The following PHTF2 variants were observed in gnomAD, a reference collection of about 807,000 sequenced individuals.
The protein encoded by PHTF2 is putative homeodomain transcription factor 2.
PHTF2 carries 60 observed loss-of-function variants against 101.2 expected under a neutral mutation model. That is an observed-to-expected ratio of 0.59 (90% confidence interval 0.48 to 0.73). The LOEUF (loss-of-function observed/expected upper bound fraction) is 0.73. Among genes scored for constraint, PHTF2 ranks in the 30% least tolerant of loss-of-function variants. The pLI is 0.00. For synonymous variants in PHTF2, 311 were observed against 307.3 expected (o/e 1.01, Z -0.13); for missense variants, 747 against 908.7 (o/e 0.82, Z 2.29).
chr7:77,901,267 C>T (rs1801365871), intron 6 of PHTF2, among the ~76,000 whole-genome samples: 1 of 152,222 alleles, frequency 6.6e-6, no homozygotes, highest in Admixed American at 6.5e-5. Context: ...ATCTATCTGT[C>T]TGTCTATCTT....
intron 1 of PHTF2, among the ~76,000 whole-genome samples, chr7:77,834,438 A>G (rs1795299824): frequency 6.6e-6 from 1 of 152,218 alleles, no homozygotes; most frequent in African/African-American, 2.4e-5. Context: ...TGTATCACAA[A>G]TTCCAGAAAC....
chr7:77,799,428 G>T (rs1792347645), intron 1 of PHTF2, among the ~76,000 whole-genome samples: 1 of 152,174 alleles, frequency 6.6e-6, no homozygotes, highest in African/African-American at 2.4e-5. Flanking sequence ...GGAGGAGCGG[G>T]CTCGGGAGGG....
At chr7:77,888,110 A>C (rs1485323182) in intron 3 of PHTF2, among the ~76,000 whole-genome samples, 1 of 152,112 alleles carries the variant, frequency 6.6e-6, no homozygotes, top group Non-Finnish European at 1.5e-5. Context: ...TATCCTTTCA[A>C]AATGTTAGGT....
intron 12 of PHTF2, among the ~76,000 whole-genome samples, chr7:77,933,711 G>GTT (rs372397795): frequency 0.015 from 1,581 of 108,264 alleles, 52 homozygotes; most frequent in African/African-American, 0.043. Context: ...GGGACCATGT[G>GTT]TTTTTTTTTT....
chr7:77,926,833 C>T (rs1804049489), intron 11 of PHTF2, among the ~76,000 whole-genome samples: 1 of 150,944 alleles, frequency 6.6e-6, no homozygotes, highest in African/African-American at 2.4e-5. Context: ...AAAATTTAGC[C>T]AGGCATGGTG....
chr7:77,823,126 A>G (rs1405226711), intron 1 of PHTF2, among the ~76,000 whole-genome samples: 2 of 151,574 alleles, frequency 1.3e-5, no homozygotes, highest in South Asian at 2.1e-4. Context: ...GGATGGTCTC[A>G]ATCTCCTGAC....
At chr7:77,932,529 G>A (rs1804661552) in intron 12 of PHTF2, among the ~76,000 whole-genome samples, 1 of 151,742 alleles carries the variant, frequency 6.6e-6, no homozygotes, top group Non-Finnish European at 1.5e-5. Flanking sequence ...AAGGCTTTAA[G>A]TTACCATTTG....
intron 3 of PHTF2, 65 bp from the exon 3 acceptor site, chr7:77,893,543 G>A: frequency 3.0e-6 from 2 of 659,334 alleles, no homozygotes; most frequent in Non-Finnish European, 5.4e-6. Context: ...TGTATTTCAA[G>A]CAGAGTTATA....
intron 1 of PHTF2, among the ~76,000 whole-genome samples, chr7:77,804,048 C>G (rs1357599900): frequency 3.3e-5 from 5 of 152,166 alleles, no homozygotes; most frequent in Admixed American, 6.5e-5. Flanking sequence ...TCTCAAATCT[C>G]TTGACTACTT....
At position 77,893,965 on chromosome 7, in the gene PHTF2, G is replaced by C; in HGVS notation, c.205-17G>C. The C allele has an allele frequency of 4.4e-6, 7 of 1,590,914 alleles. No homozygotes were observed. Among genetic ancestry groups the C allele is most frequent in the Non-Finnish European group, 6.0e-6 (7 of 1,159,540 alleles). ...TTTGCTTTTTCTCCCTTTTGATGCT[G>C]TCATTGCTCTGTACAGTTTATTAAA... On this transcript the variant is annotated splice_polypyrimidine_tract_variant and intron_variant, in intron 4 of 19. Coordinates refer to ENST00000416283, the Ensembl canonical transcript of PHTF2.
chr7:77,843,895 G>A (rs1796073882), intron 2 of PHTF2, among the ~76,000 whole-genome samples: 1 of 152,122 alleles, frequency 6.6e-6, no homozygotes. Flanking sequence ...TTGATTTTGT[G>A]ACTATCATTC....
chr7:77,842,702 A>T (rs890391020), intron 2 of PHTF2, among the ~76,000 whole-genome samples: 1 of 152,156 alleles, frequency 6.6e-6, no homozygotes, highest in Non-Finnish European at 1.5e-5. Flanking sequence ...ATAACTTTTG[A>T]TGGAATACTG....
chr7:77,875,919 A>C (rs1048786684), intron 3 of PHTF2, among the ~76,000 whole-genome samples: 20 of 152,304 alleles, frequency 1.3e-4, no homozygotes, highest in African/African-American at 4.6e-4. Context: ...AGTACTTTAT[A>C]TACATTTCAT....
intron 3 of PHTF2, among the ~76,000 whole-genome samples, chr7:77,885,720 C>T (rs1487386890): frequency 6.6e-6 from 1 of 152,216 alleles, no homozygotes; most frequent in Non-Finnish European, 1.5e-5. Context: ...GCTAGGATTA[C>T]AGATGTGAGC....
intron 2 of PHTF2, among the ~76,000 whole-genome samples, chr7:77,851,305 T>C (rs541998650): frequency 6.6e-6 from 1 of 152,290 alleles, no homozygotes; most frequent in South Asian, 2.1e-4. Flanking sequence ...TCTGTTCAGA[T>C]TTTGGATTTC....
intron 1 of PHTF2, among the ~76,000 whole-genome samples, chr7:77,813,070 G>GTATT (rs1420711598): frequency 2.0e-5 from 3 of 152,092 alleles, no homozygotes; most frequent in Non-Finnish European, 2.9e-5. Context: ...TAGATGCATG[G>GTATT]TATTTATTTA....
intron 3 of PHTF2, among the ~76,000 whole-genome samples, chr7:77,883,543 CAT>C (rs1459439534): frequency 6.6e-6 from 1 of 152,030 alleles, no homozygotes; most frequent in Non-Finnish European, 1.5e-5. Flanking sequence ...CAATGCAAAC[CAT>C]ATATTTTTAG....
chr7:77,943,823 GC>G (rs1805828847), intron 16 of PHTF2, among the ~76,000 whole-genome samples: 1 of 151,880 alleles, frequency 6.6e-6, no homozygotes, highest in African/African-American at 2.4e-5. Context: ...TTCGAGACCA[GC>G]CCGACCAACA....
chr7:77,827,938 C>CCAG (rs1303072684), intron 1 of PHTF2, among the ~76,000 whole-genome samples: 1 of 152,160 alleles, frequency 6.6e-6, no homozygotes, highest in Non-Finnish European at 1.5e-5. Flanking sequence ...GCCACGGAGC[C>CCAG]CAGCCTCAAT....
Sources: gnomAD v4.1 joint callset for allele counts (sites outside exome capture counted in the v4.1 genomes callset) on GRCh38, gnomAD v4.1.1 for gene constraint, MANE v1.5 for transcripts, NCBI Gene and HGNC (gene_info 2026-07-23, HGNC 2026-07-21) for gene names.